The following CNTN6 variants were observed in gnomAD, a reference collection of about 807,000 sequenced individuals.
CNTN6 encodes the protein contactin-6.
CNTN6 carries 137 observed loss-of-function variants against 122.8 expected under a neutral mutation model. The ratio of observed to expected loss-of-function variants is 1.12; its 90% confidence interval spans 0.97 to 1.29. The LOEUF (loss-of-function observed/expected upper bound fraction) is 1.29. Ranked by LOEUF, CNTN6 falls within the 50% of genes most tolerant of loss-of-function variation. The pLI is 0.00. For missense variants in CNTN6, 1,634 were observed against 1,223.4 expected (o/e 1.34, Z -5.01); for synonymous variants, 570 against 426.0 (o/e 1.34, Z -4.16).
At chr3:1,288,593 C>G (rs1270096710) in intron 5 of CNTN6, among the ~76,000 whole-genome samples, 2 of 152,114 alleles carry the variant, frequency 1.3e-5, no homozygotes, top group Admixed American at 6.5e-5. Flanking sequence ...GTTCTTTATT[C>G]TACTCATTTA....
chr3:1,280,977 C>T (rs758928402), intron 5 of CNTN6, among the ~76,000 whole-genome samples: 15 of 152,214 alleles, frequency 9.9e-5, no homozygotes, highest in South Asian at 2.1e-4. Context: ...TTTAGTCCCT[C>T]GAACATTTCA....
At chr3:1,160,292 A>T (rs560194175) in intron 2 of CNTN6, among the ~76,000 whole-genome samples, 57 of 147,892 alleles carry the variant, frequency 3.9e-4, no homozygotes, top group Admixed American at 9.1e-4. Context: ...CACAGCTGAG[A>T]CACAGAAGGG....
At chr3:1,169,586 A>T (rs1296739771) in intron 2 of CNTN6, among the ~76,000 whole-genome samples, 3 of 152,240 alleles carry the variant, frequency 2.0e-5, no homozygotes, top group African/African-American at 7.2e-5. Flanking sequence ...GAGCTGAGTT[A>T]GGAAAGTAAT....
At chr3:1,245,282 C>CACATAT (rs1553639179) in intron 4 of CNTN6, among the ~76,000 whole-genome samples, 4 of 6,190 alleles carry the variant, frequency 6.5e-4, no homozygotes, top group African/African-American at 2.4e-3. Context: ...TATACACACA[C>CACATAT]ATATATATAT....
intron 4 of CNTN6, among the ~76,000 whole-genome samples, chr3:1,262,148 C>T (rs1399491501): frequency 6.6e-6 from 1 of 152,122 alleles, no homozygotes; most frequent in Non-Finnish European, 1.5e-5. Context: ...CTCTTTTCTG[C>T]AGTTACAGAT....
chr3:1,236,908 G>A (rs2094429848), intron 4 of CNTN6, among the ~76,000 whole-genome samples: 1 of 151,988 alleles, frequency 6.6e-6, no homozygotes. Flanking sequence ...GTGAAACCCT[G>A]TCTCTACTAA....
rs1305304046 is a variant in CNTN6 at position 1,299,642 on chromosome 3, T to TA, written c.761+1652dup. On this transcript the variant is annotated intron_variant, in intron 7 of 22. Coordinates refer to ENST00000446702, the MANE Select transcript of CNTN6 (RefSeq NM_001289080.2). ...ATTGGAGAAGTAACCTGTTCAATCT[T>TA]ATGTTTCTATTCAGAGGAAGCAAGC... Among the ~76,000 whole-genome samples the TA allele has an allele frequency of 6.6e-5, 10 of 152,328 alleles. No individual in the cohort carries two copies. The East Asian group carries it at 1.4e-3, about 21-fold the overall frequency.
In CNTN6 at chr3:1,295,618, A is replaced by G; in HGVS notation, c.472A>G (p.Thr158Ala). ...PHFGDLSYAW[T>A]FNDNPLYVQE... The stretch of plus-strand genomic sequence containing the variant: ...TTTTTCAGATTTATCTTATGCATGG[A>G]CCTTCAATGATAACCCCTTATACGT... Residue 158 changes from threonine to alanine, a missense_variant, in exon 6 of 23, where the codon ACC becomes GCC. Thr to Ala is a moderately conservative substitution (Grantham distance 58). Transcript: ENST00000446702. The G allele has an allele frequency of 6.2e-7, 1 of 1,613,558 alleles. No homozygotes were observed. Among genetic ancestry groups the G allele is most frequent in the Non-Finnish European group, 8.5e-7 (1 of 1,179,694 alleles).
intron 19 of CNTN6, among the ~76,000 whole-genome samples, chr3:1,384,774 T>C (rs13319415): frequency 0.33 from 34,849 of 106,264 alleles, 4,988 homozygotes; most frequent in African/African-American, 0.5. Flanking sequence ...TATATACACA[T>C]ATATATATAT....
chr3:1,167,546 C>T (rs756714448), intron 2 of CNTN6, among the ~76,000 whole-genome samples: 12 of 152,144 alleles, frequency 7.9e-5, no homozygotes, highest in Admixed American at 6.5e-4. Context: ...AACAGCCATA[C>T]GACATTTCCT....
intron 7 of CNTN6, among the ~76,000 whole-genome samples, chr3:1,306,560 A>G (rs1698387557): frequency 1.3e-5 from 2 of 152,188 alleles, no homozygotes; most frequent in South Asian, 2.1e-4. Context: ...GTTCAAATAG[A>G]GCAGGATTGG....
At chr3:1,156,642 T>TATCTTGCTCTTGCTCTTTCCCTTCC (rs2092971099) in intron 2 of CNTN6, among the ~76,000 whole-genome samples, 1 of 151,924 alleles carries the variant, frequency 6.6e-6, no homozygotes, top group African/African-American at 2.4e-5. Context: ...TCTTTCTTTC[T>TATCTTGCTCTTGCTCTTTCCCTTCC]TTCTTGCTCT....
chr3:1,394,180 G>T (rs1413920885), intron 20 of CNTN6: 2 of 205,484 alleles, frequency 9.7e-6, no homozygotes, highest in Non-Finnish European at 9.9e-6. Flanking sequence ...TTGCTGCTGG[G>T]CCAGTAGGTG....
intron 2 of CNTN6, among the ~76,000 whole-genome samples, chr3:1,209,854 CA>C (rs1208828478): frequency 2.0e-5 from 3 of 152,182 alleles, no homozygotes; most frequent in Non-Finnish European, 4.4e-5. Context: ...AATATCTGAG[CA>C]ATCTTTAATG....
rs1302291967 is a variant in CNTN6 at position 1,173,452 on chromosome 3, A to G, written c.55+25389A>G. On this transcript the variant is annotated intron_variant, in intron 2 of 22. Transcript: ENST00000446702. ...AATCCTCTAAAGGACAGGAAGTATT[A>G]TAATCTCCATTTAGATAAAGGCAAC... 3 of 357,614 alleles carry G rather than the reference A, an allele frequency of 8.4e-6. No individual in the cohort carries two copies. The Admixed American group carries it at 1.1e-4, about 13-fold the overall frequency. The allele number at this position is 357,614 out of a possible 1,614,324, so 22.2% of individuals were successfully genotyped here. A position where few individuals can be genotyped will look rare whatever the true frequency, so the allele number is the denominator to read the frequency against.
intron 11 of CNTN6, among the ~76,000 whole-genome samples, chr3:1,334,783 A>G (rs1702808903): frequency 6.6e-6 from 1 of 152,160 alleles, no homozygotes; most frequent in Non-Finnish European, 1.5e-5. Context: ...GGAATATAGC[A>G]CACATTCAGT....
At chr3:1,200,445 T>G (rs1575207760) in intron 2 of CNTN6, among the ~76,000 whole-genome samples, 1 of 152,266 alleles carries the variant, frequency 6.6e-6, no homozygotes, top group East Asian at 1.9e-4. Context: ...CTGTGGTACC[T>G]CTAAAGCTAC....
At chr3:1,382,905 T>A (rs1692128802) in intron 17 of CNTN6, 37 bp from the exon 18 acceptor site, 1 of 1,361,944 alleles carries the variant, frequency 7.3e-7, no homozygotes, top group African/African-American at 1.4e-5. Flanking sequence ...TAAAATATTT[T>A]TGCAAATACT....
intron 11 of CNTN6, among the ~76,000 whole-genome samples, chr3:1,350,981 C>T (rs1179746563): frequency 6.6e-6 from 1 of 151,692 alleles, no homozygotes; most frequent in Non-Finnish European, 1.5e-5. Flanking sequence ...GGATCTAGTA[C>T]ACTAGACATC....
Sources: allele counts gnomAD v4.1 joint callset (sites outside exome capture counted in the v4.1 genomes callset), GRCh38; gene constraint gnomAD v4.1.1; transcripts MANE v1.5; gene names NCBI Gene and HGNC (gene_info 2026-07-23, HGNC 2026-07-21).